KLF15: variants seen among roughly 807,000 people sequenced by gnomAD.
KLF15 encodes the protein KLF transcription factor 15.
A neutral mutation model predicts 24.6 loss-of-function variants in KLF15; 4 were observed. That is an observed-to-expected ratio of 0.16 (90% CI 0.08 to 0.37). KLF15 has a LOEUF of 0.37. KLF15 is among the 10% of genes least tolerant of loss of function. KLF15 has a pLI of 1.00. For missense variants in KLF15, 496 were observed against 560.6 expected, an observed-to-expected ratio of 0.88 and a Z score of 1.16; for synonymous variants, 246 against 236.3, an observed-to-expected ratio of 1.04 and a Z score of -0.37.
the KLF15 span, among the ~76,000 whole-genome samples, chr3:126,315,388 G>C: frequency 6.6e-6 from 1 of 152,140 alleles, no homozygotes; most frequent in African/African-American, 2.4e-5. Flanking sequence ...ACTGTGTCTT[G>C]GAAGCTAAGT....
the KLF15 span, among the ~76,000 whole-genome samples, chr3:126,316,796 C>T: frequency 6.6e-6 from 1 of 152,024 alleles, no homozygotes; most frequent in South Asian, 2.1e-4. Context: ...GGGGGCAGCC[C>T]AGGGCCTGCC....
the KLF15 span, among the ~76,000 whole-genome samples, chr3:126,328,877 T>G: frequency 6.6e-6 from 1 of 152,256 alleles, no homozygotes; most frequent in African/African-American, 2.4e-5. Context: ...TTTATATCTA[T>G]TGCCCATTTT....
At chr3:126,321,566 G>A in the KLF15 span, among the ~76,000 whole-genome samples, 1 of 152,218 alleles carries the variant, frequency 6.6e-6, no homozygotes. Context: ...CCAGGTCAGT[G>A]GTCATTCACT....
At chr3:126,307,914 C>T in the KLF15 span, among the ~76,000 whole-genome samples, 1 of 152,270 alleles carries the variant, frequency 6.6e-6, no homozygotes, top group East Asian at 1.9e-4. Context: ...CTCCTTAGCC[C>T]CCCTTGTCTG....
At chr3:126,320,240 C>A in the KLF15 span, among the ~76,000 whole-genome samples, 1 of 152,168 alleles carries the variant, frequency 6.6e-6, no homozygotes, top group African/African-American at 2.4e-5. Context: ...GGCTGCCCTG[C>A]AGGAACAGGG....
chr3:126,339,244 G>A (rs1200890948), downstream of KLF15, among the ~76,000 whole-genome samples: 1 of 152,214 alleles, frequency 6.6e-6, no homozygotes, highest in African/African-American at 2.4e-5. Flanking sequence ...TTCTGCAGCA[G>A]TGCTGGGAGT....
the KLF15 span, among the ~76,000 whole-genome samples, chr3:126,290,022 C>T: frequency 2.0e-5 from 3 of 152,220 alleles, no homozygotes; most frequent in Admixed American, 6.5e-5. Context: ...TGCTCAGTAA[C>T]TCGACTCTTC....
chr3:126,345,908 T>G (rs1263780048), intron 2 of KLF15, among the ~76,000 whole-genome samples: 1 of 152,230 alleles, frequency 6.6e-6, no homozygotes, highest in Non-Finnish European at 1.5e-5. Context: ...GAAGCCCAAC[T>G]GCCCTGCCTG....
the KLF15 span, among the ~76,000 whole-genome samples, chr3:126,304,482 T>C: frequency 6.6e-6 from 1 of 152,172 alleles, no homozygotes; most frequent in Non-Finnish European, 1.5e-5. Flanking sequence ...TTCCCTCACA[T>C]ACAAGCACTG....
chr3:126,298,302 GT>G, the KLF15 span, among the ~76,000 whole-genome samples: 5,980 of 140,228 alleles, frequency 0.043, 213 homozygotes, highest in African/African-American at 0.088. Flanking sequence ...GGATTATTAG[GT>G]TTTTTTTTTT....
chr3:126,296,483 A>G, the KLF15 span, among the ~76,000 whole-genome samples: 1 of 152,374 alleles, frequency 6.6e-6, no homozygotes, highest in African/African-American at 2.4e-5. Flanking sequence ...CTGGAATTAC[A>G]GGCGTGAGCC....
chr3:126,323,460 T>TATATAA, the KLF15 span, among the ~76,000 whole-genome samples: 1 of 96,974 alleles, frequency 1.0e-5, no homozygotes, highest in African/African-American at 5.0e-5. Context: ...TATATATATA[T>TATATAA]AACATATATA....
the KLF15 span, among the ~76,000 whole-genome samples, chr3:126,294,994 G>A: frequency 4.0e-5 from 6 of 151,554 alleles, no homozygotes; most frequent in Non-Finnish European, 8.8e-5. Context: ...TACGTCTATG[G>A]ATTCATATAT....
chr3:126,356,900 C>T lies in KLF15; in HGVS notation c.-26+337G>A, dbSNP rs920620310. Among the ~76,000 whole-genome samples, 3 of 151,974 alleles carry T rather than the reference C, an allele frequency of 2.0e-5. No individual in the cohort carries two copies. The highest frequency in any genetic ancestry group is 4.4e-5 in the Non-Finnish European group (3 of 67,942). On this transcript the variant is annotated intron_variant, in intron 1 of 2. Transcript: ENST00000296233. The surrounding 1 kb of genome is among the most constrained non-coding windows in gnomAD (Gnocchi z 4.4). ...GGGCTGGCCAGCGCGTCCGCTCTCC[C>T]CCTCCTCTCACCAGGCCGCGCCGGT...
rs771956110 is a variant in KLF15 at position 126,343,732 on chromosome 3, T to TCACGGAGCG, written c.1237_1245dup (p.Arg413_Val415dup). 1.4e-5 allele frequency: 23 copies of TCACGGAGCG among 1,610,696 alleles called. No individual in the cohort carries two copies. Among genetic ancestry groups the TCACGGAGCG allele is most frequent in the Middle Eastern group, 1.8e-4 (1 of 5,508 alleles). The stretch of plus-strand genomic sequence containing the variant: ...GGCTGGGGTTCAGGGCGCTTTCAGT[T>TCACGGAGCG]CACGGAGCGCACGGAGCGGCTGCTC... On this transcript the variant is annotated inframe_insertion, in exon 3 of 3. Transcript: ENST00000296233.
At chr3:126,321,207 C>T in the KLF15 span, among the ~76,000 whole-genome samples, 6 of 152,228 alleles carry the variant, frequency 3.9e-5, no homozygotes, top group African/African-American at 1.4e-4. Flanking sequence ...GACGGCAGAA[C>T]CAAGTCTCTC....
At chr3:126,317,091 G>A in the KLF15 span, among the ~76,000 whole-genome samples, 1 of 152,164 alleles carries the variant, frequency 6.6e-6, no homozygotes, top group African/African-American at 2.4e-5. Context: ...AACCCATTAA[G>A]TCAAACACTG....
chr3:126,343,751 G>T lies in KLF15; in HGVS notation c.1227C>A (p.Ser409Arg). 1.2e-6 allele frequency: 2 copies of T among 1,611,768 alleles called. No homozygotes were observed. Among genetic ancestry groups the T allele is most frequent in the South Asian group, 1.1e-5 (1 of 90,942 alleles). The change falls in exon 3 of 3, where the codon AGC (serine) becomes AGA (arginine). Residue 409 changes from serine (S) to arginine (R), a missense_variant. By Grantham distance (110) the Ser-to-Arg change is moderately radical. Transcript: ENST00000296233. Reference sequence around the variant, plus strand: ...TTCAGTTCACGGAGCGCACGGAGCGGCTGCTCCGCGGGAAGCGGTGCACCT... The same window carrying T: ...TTCAGTTCACGGAGCGCACGGAGCGTCTGCTCCGCGGGAAGCGGTGCACCT... ...HIKVHRFPRSSRSVRSVN is the reference protein window; with the variant it reads ...HIKVHRFPRSRRSVRSVN
In KLF15 at chr3:126,352,764, G is replaced by A. The variant is rs2082596193; in HGVS notation, c.159C>T (p.Ser53=). 6.3e-7 allele frequency: 1 copy of A among 1,575,116 alleles called. No homozygotes were observed. Among genetic ancestry groups the A allele is most frequent in the Non-Finnish European group, 8.6e-7 (1 of 1,159,978 alleles). Residue 53 remains serine (S), a synonymous_variant, in exon 2 of 3, where the codon TCC becomes TCT. Transcript: ENST00000296233. ...DSDASSPCSC[S]SPDSQALCSC... ...AGCAGAGGGCTTGAGAGTCGGGACT[G>A]GAACAGGAGCAGGGGCTGGAGGCAT... is the stretch of plus-strand genomic sequence containing the variant.
Sources: allele counts gnomAD v4.1 joint callset (sites outside exome capture counted in the v4.1 genomes callset), GRCh38; gene constraint gnomAD v4.1.1; non-coding constraint Gnocchi (gnomAD v3.1); transcripts MANE v1.5; gene names NCBI Gene and HGNC (gene_info 2026-07-23, HGNC 2026-07-21).